Variants in TNKS observed in about 807,000 individuals in gnomAD.
TNKS encodes the protein tankyrase.
Under a neutral mutation model 135.8 loss-of-function variants are expected in TNKS, and 72 were observed. That is an observed-to-expected ratio of 0.53 (90% confidence interval 0.44 to 0.64). The LOEUF (loss-of-function observed/expected upper bound fraction) is 0.64. Among genes scored for constraint, TNKS ranks in the 30% least tolerant of loss-of-function variants. The pLI, the probability that TNKS is intolerant of heterozygous loss-of-function variation, is 0.00. For synonymous variants in TNKS, 849 were observed against 649.3 expected (o/e 1.31, Z -4.68); for missense variants, 1,769 against 1,674.0 (o/e 1.06, Z -0.99).
At chr8:9,595,126 A>AT (rs33914315) in intron 2 of TNKS, among the ~76,000 whole-genome samples, 344 of 145,198 alleles carry the variant, frequency 2.4e-3, no homozygotes, top group East Asian at 6.4e-3. Context: ...CTGAATTGGT[A>AT]TTTTTTTTTT....
chr8:9,667,197 A>G (rs957810764), intron 3 of TNKS, among the ~76,000 whole-genome samples: 4 of 152,204 alleles, frequency 2.6e-5, no homozygotes, highest in African/African-American at 9.7e-5. Context: ...TTTTTATGTG[A>G]AGTATTTATA....
intron 8 of TNKS, 110 bp downstream of exon 8, chr8:9,707,107 C>A: frequency 2.2e-6 from 2 of 895,796 alleles, no homozygotes; most frequent in Non-Finnish European, 3.2e-6. Context: ...CAGACTAATT[C>A]ATAATCCTCA....
At chr8:9,558,794 G>C (rs1797194463) in intron 1 of TNKS, 1 of 152,104 alleles carries the variant, frequency 6.6e-6, no homozygotes, top group South Asian at 2.1e-4. Flanking sequence ...CTCAGTTGTG[G>C]AAAACACAGT....
At chr8:9,586,432 A>G (rs1409304007) in intron 2 of TNKS, among the ~76,000 whole-genome samples, 1 of 151,848 alleles carries the variant, frequency 6.6e-6, no homozygotes, top group East Asian at 1.9e-4. Flanking sequence ...TTTTTTTCCC[A>G]TTATTTATAC....
At chr8:9,668,785 G>A (rs1215850635) in intron 3 of TNKS, among the ~76,000 whole-genome samples, 4 of 152,176 alleles carry the variant, frequency 2.6e-5, no homozygotes, top group Admixed American at 2.0e-4. Flanking sequence ...GTAAAAGTGA[G>A]TGATGTAGAG....
At chr8:9,716,774 C>A (rs756023254) in intron 11 of TNKS, among the ~76,000 whole-genome samples, 1 of 151,724 alleles carries the variant, frequency 6.6e-6, no homozygotes, top group African/African-American at 2.4e-5. Context: ...CTGGTTCATT[C>A]TTCTTTCTGC....
At position 9,734,995 on chromosome 8, in the gene TNKS, G is replaced by C. The variant is rs1372771354; in HGVS notation, c.2444G>C (p.Cys815Ser). 2 of 1,614,032 alleles carry C rather than the reference G, an allele frequency of 1.2e-6. No individual in the cohort carries two copies. Among genetic ancestry groups the C allele is most frequent in the Non-Finnish European group, 1.7e-6 (2 of 1,180,016 alleles). ...TTGTTGGATGCTGCCAAGAAGGGCT[G>C]CCTGGCAAGAGTGCAGAAGCTCTGT... ...AALLDAAKKG[C>S]LARVQKLCTP... The change falls in exon 16 of 27, where the codon TGC (cysteine) becomes TCC (serine). Residue 815 changes from cysteine to serine, a missense_variant. Cys to Ser is a moderately radical substitution (Grantham distance 112, BLOSUM62 -1). Transcript: ENST00000310430.
At chr8:9,665,088 A>G (rs1801926027) in intron 3 of TNKS, among the ~76,000 whole-genome samples, 1 of 152,130 alleles carries the variant, frequency 6.6e-6, no homozygotes, top group Non-Finnish European at 1.5e-5. Context: ...CTCACCACCT[A>G]CTATCACTTC....
At chr8:9,679,819 G>A in intron 3 of TNKS, 132 bp from the exon 4 acceptor site, 1 of 665,682 alleles carries the variant, frequency 1.5e-6, no homozygotes, top group East Asian at 2.7e-5. Flanking sequence ...TAACGTCACG[G>A]CTCCATCACC....
intron 2 of TNKS, among the ~76,000 whole-genome samples, chr8:9,596,533 A>G (rs1173758025): frequency 2.0e-5 from 3 of 152,184 alleles, no homozygotes; most frequent in Non-Finnish European, 2.9e-5. Flanking sequence ...TAGATTTTTC[A>G]TATGTAAGCA....
intron 17 of TNKS, among the ~76,000 whole-genome samples, chr8:9,739,283 A>C (rs1230510013): frequency 1.8e-5 from 1 of 54,492 alleles, no homozygotes; most frequent in Admixed American, 2.3e-4. Context: ...ACATTTATGC[A>C]GCCAAAAAAC....
intron 22 of TNKS, among the ~76,000 whole-genome samples, 177 bp from the exon 23 acceptor site, chr8:9,764,539 C>A (rs1807322763): frequency 6.6e-6 from 1 of 152,048 alleles, no homozygotes; most frequent in South Asian, 2.1e-4. Flanking sequence ...ATAGAAAGTG[C>A]ATAAATTTAA....
At chr8:9,697,044 A>G (rs1803549632) in intron 5 of TNKS, among the ~76,000 whole-genome samples, 1 of 152,178 alleles carries the variant, frequency 6.6e-6, no homozygotes, top group African/African-American at 2.4e-5. Flanking sequence ...ACCCAAATTC[A>G]AACTATACTG....
At chr8:9,640,397 A>T (rs907575533) in intron 3 of TNKS, among the ~76,000 whole-genome samples, 1 of 145,458 alleles carries the variant, frequency 6.9e-6, no homozygotes, top group Non-Finnish European at 1.5e-5. Context: ...TGCACTGGGG[A>T]TTTTTAACAT....
intron 22 of TNKS, 40 bp downstream of exon 22, chr8:9,763,284 ATCTGTGGATAAACC>A: frequency 2.9e-6 from 4 of 1,388,268 alleles, no homozygotes; most frequent in Non-Finnish European, 1.0e-6. Flanking sequence ...TTTTCTTGAA[ATCTGTGGATAAACC>A]TCTTTTTCTG....
At chr8:9,646,585 A>G (rs1232297073) in intron 3 of TNKS, among the ~76,000 whole-genome samples, 2 of 152,202 alleles carry the variant, frequency 1.3e-5, no homozygotes, top group East Asian at 3.8e-4. Context: ...AGTGGAATCA[A>G]TATTAAATGA....
At chr8:9,572,451 A>T (rs901583689) in intron 1 of TNKS, among the ~76,000 whole-genome samples, 1 of 152,144 alleles carries the variant, frequency 6.6e-6, no homozygotes, top group Non-Finnish European at 1.5e-5. Flanking sequence ...AAGTATTGTC[A>T]TTATTTCTAC....
intron 3 of TNKS, among the ~76,000 whole-genome samples, chr8:9,672,063 T>C (rs765247579): frequency 2.0e-5 from 3 of 152,220 alleles, no homozygotes; most frequent in Non-Finnish European, 4.4e-5. Context: ...CGTCCTGCTA[T>C]TGCAGCACTT....
At chr8:9,718,906 A>T (rs1207046870) in intron 11 of TNKS, among the ~76,000 whole-genome samples, 1 of 152,206 alleles carries the variant, frequency 6.6e-6, no homozygotes, top group East Asian at 1.9e-4. Flanking sequence ...TGCTTCAATA[A>T]GTTGGATTGG....
Sources: gnomAD v4.1 joint callset for allele counts (sites outside exome capture counted in the v4.1 genomes callset) on GRCh38, gnomAD v4.1.1 for gene constraint, MANE v1.5 for transcripts, NCBI Gene and HGNC (gene_info 2026-07-23, HGNC 2026-07-21) for gene names.